Variants in ZNF560 observed in about 807,000 individuals in gnomAD.
ZNF560 encodes zinc finger protein 560.
Under a neutral mutation model 81.8 loss-of-function variants are expected in ZNF560, and 54 were observed. That is an observed-to-expected ratio of 0.66 (90% CI 0.53 to 0.83). The LOEUF (loss-of-function observed/expected upper bound fraction) is 0.83, where lower values mean the gene tolerates loss of function less well. Ranked by LOEUF, ZNF560 falls within the 40% of genes least tolerant of loss-of-function variation. The pLI is 0.00. For missense variants in ZNF560, 940 were observed against 932.4 expected, an observed-to-expected ratio of 1.01 and a Z score of -0.11; for synonymous variants, 321 against 317.9, an observed-to-expected ratio of 1.01 and a Z score of -0.10.
intron 2 of ZNF560, among the ~76,000 whole-genome samples, chr19:9,478,461 A>G (rs1175215351): frequency 7.9e-6 from 1 of 126,302 alleles, no homozygotes; most frequent in Non-Finnish European, 1.6e-5. Context: ...ACAAAGCACA[A>G]AACTCAGGTA....
chr19:9,468,080 A>G lies in ZNF560; in HGVS notation c.867T>C (p.Asp289=). 6.2e-7 allele frequency: 1 copy of G among 1,614,208 alleles called. No individual in the cohort carries two copies. Among genetic ancestry groups the G allele is most frequent in the Non-Finnish European group, 8.5e-7 (1 of 1,180,034 alleles). Residue 289 remains aspartate (D), a synonymous_variant, in exon 10 of 10, where the codon GAT becomes GAC. Transcript: ENST00000301480. ...NVQVQRKCTQ[D]KSFEGTDYGK... The stretch of plus-strand genomic sequence containing the variant: ...CATAGTCAGTGCCTTCAAAGGATTT[A>G]TCTTGTGTACACTTTCTCTGGACCT...
At chr19:9,494,918 A>G (rs1253978780) in intron 2 of ZNF560, among the ~76,000 whole-genome samples, 1 of 150,366 alleles carries the variant, frequency 6.7e-6, no homozygotes, top group Non-Finnish European at 1.5e-5. Context: ...AAAAAAACAA[A>G]CAAACAAAAC....
chr19:9,489,716 A>G (rs905150717), intron 2 of ZNF560, among the ~76,000 whole-genome samples: 1 of 151,748 alleles, frequency 6.6e-6, no homozygotes. Context: ...CAGCCTTCTG[A>G]GTAGCTGGGA....
At chr19:9,474,442 C>T in intron 3 of ZNF560, 117 bp from the exon 4 acceptor site, 4 of 1,164,792 alleles carry the variant, frequency 3.4e-6, no homozygotes, top group Non-Finnish European at 3.6e-6. Context: ...TCATTATCTA[C>T]CCAAAGCTTA....
chr19:9,477,492 G>T (rs1159716659), intron 2 of ZNF560, among the ~76,000 whole-genome samples: 2 of 152,170 alleles, frequency 1.3e-5, no homozygotes, highest in Non-Finnish European at 2.9e-5. Context: ...GAACAAGAAT[G>T]TCATCCTTTA....
downstream of ZNF560, among the ~76,000 whole-genome samples, chr19:9,465,463 C>T (rs1232623935): frequency 6.6e-6 from 1 of 152,144 alleles, no homozygotes; most frequent in African/African-American, 2.4e-5. Flanking sequence ...TAACATTGTA[C>T]AGCTTCAGGA....
Position 9,471,333 on chromosome 19 carries a change from T to A in ZNF560, c.284A>T (p.Glu95Val), listed in dbSNP as rs541703242. The A allele has an allele frequency of 1.4e-5, 23 of 1,601,158 alleles. No individual in the cohort carries two copies. The highest frequency in any genetic ancestry group is 1.7e-4 in the Middle Eastern group (1 of 5,778). The change falls in exon 6 of 10, where the codon GAG (glutamate) becomes GTG (valine). Residue 95 changes from glutamate (E) to valine (V), a missense_variant. Glu to Val is a moderately radical substitution (Grantham distance 121, BLOSUM62 -2). Coordinates refer to ENST00000301480, the MANE Select transcript of ZNF560 (RefSeq NM_152476.3). The stretch of plus-strand genomic sequence containing the variant: ...ATTAGAAGTTTGTATTTTCCAAAAC[T>A]CCTGCTGCAGTGCTGAAACACTGGT... ...HQTSVSALQQ[E>V]FWKIQTSNGI...
Position 9,467,907 on chromosome 19 carries a change from G to A in ZNF560, c.1040C>T (p.Pro347Leu). The change falls in exon 10 of 10, where the codon CCC (proline) becomes CTC (leucine). Residue 347 changes from proline to leucine, a missense_variant. Transcript: ENST00000301480. ...VNVETHIIKN[P>L]YECKECGKDF... ...TTTTCCACATTCCTTACATTCATAG[G>A]GGTTTTTAATAATGTGTGTTTCAAC... The A allele has an allele frequency of 6.2e-7, 1 of 1,614,146 alleles. No individual in the cohort carries two copies. Among genetic ancestry groups the A allele is most frequent in the Non-Finnish European group, 8.5e-7 (1 of 1,180,016 alleles).
chr19:9,485,912 C>G (rs2073377421), intron 2 of ZNF560, among the ~76,000 whole-genome samples: 1 of 152,140 alleles, frequency 6.6e-6, no homozygotes, highest in Non-Finnish European at 1.5e-5. Flanking sequence ...AGTACTCCTT[C>G]CATTCATCTT....
At chr19:9,465,766 G>A (rs1413907921), downstream of ZNF560, among the ~76,000 whole-genome samples, 1 of 152,176 alleles carries the variant, frequency 6.6e-6, no homozygotes, top group Non-Finnish European at 1.5e-5. Context: ...GCCAAGGCGG[G>A]CAGATTACCT....
In ZNF560 at chr19:9,470,402, C is replaced by G. The variant is rs199808525; in HGVS notation, c.438G>C (p.Leu146=). 1 of 1,611,828 alleles carries G rather than the reference C, an allele frequency of 6.2e-7. No individual in the cohort carries two copies. The highest frequency in any genetic ancestry group is 8.5e-7 in the Non-Finnish European group (1 of 1,178,922). ...TGATGCCAGACTTACCTACTGAGGA[C>G]AGGTTCTTGTAGTTCTCCAGCATCA... ...SDVMLENYKN[L]SSVGYQLFKP... is the part of the protein sequence containing the mutation. Residue 146 remains leucine (L), a synonymous_variant, in exon 7 of 10, where the codon CTG becomes CTC. Transcript: ENST00000301480.
At chr19:9,506,302 A>G in the ZNF560 span, among the ~76,000 whole-genome samples, 1 of 151,954 alleles carries the variant, frequency 6.6e-6, no homozygotes, top group Non-Finnish European at 1.5e-5. Context: ...CAAAACTTTA[A>G]CAGCCCTCAT....
At chr19:9,456,498 T>TA in the ZNF560 span, among the ~76,000 whole-genome samples, 1 of 152,064 alleles carries the variant, frequency 6.6e-6, no homozygotes, top group Non-Finnish European at 1.5e-5. Flanking sequence ...GCAGTACAAA[T>TA]AAACAAGGGA....
the ZNF560 span, among the ~76,000 whole-genome samples, chr19:9,456,198 C>G: frequency 1.3e-5 from 2 of 152,316 alleles, no homozygotes; most frequent in East Asian, 3.9e-4. Context: ...TGTGTTGCAC[C>G]AGGGCTGTGA....
chr19:9,483,214 A>C (rs1326776986), intron 2 of ZNF560, among the ~76,000 whole-genome samples: 11 of 147,866 alleles, frequency 7.4e-5, no homozygotes, highest in Admixed American at 7.4e-4. Context: ...GTCTAGGAAG[A>C]GAGGAGCGTC....
Position 9,467,124 on chromosome 19 carries a change from G to A in ZNF560, c.1823C>T (p.Ala608Val). Residue 608 changes from alanine to valine, a missense_variant, in exon 10 of 10, where the codon GCC becomes GTC. Ala to Val is a moderately conservative substitution (Grantham distance 64). Transcript: ENST00000301480. ...KPYECKKCGK[A>V]FTERSDLTKH... is the part of the protein sequence containing the mutation. Reference sequence around the variant, plus strand: ...AGTAAGATCTGAGCGTTCTGTGAAGGCTTTTCCACATTTCTTACATTCATA... The same window carrying A: ...AGTAAGATCTGAGCGTTCTGTGAAGACTTTTCCACATTTCTTACATTCATA... 6.2e-7 allele frequency: 1 copy of A among 1,613,892 alleles called. No individual in the cohort carries two copies. The highest frequency in any genetic ancestry group is 1.7e-4 in the Middle Eastern group (1 of 5,938).
At position 9,466,871 on chromosome 19, in the gene ZNF560, G is replaced by A; in HGVS notation, c.2076C>T (p.Ser692=). Residue 692 remains serine (S), a synonymous_variant, in exon 10 of 10, where the codon TCC becomes TCT. Transcript: ENST00000301480. ...KTSECNACGN[S]FRNSMCFHDR... is the part of the protein sequence containing the mutation. ...CATGAAAGCACATGGAATTTCGAAAGGAATTTCCACATGCGTTACATTCAG... is the reference window on the plus strand; with the variant it reads ...CATGAAAGCACATGGAATTTCGAAAAGAATTTCCACATGCGTTACATTCAG... The A allele has an allele frequency of 6.2e-7, 1 of 1,614,042 alleles. No homozygotes were observed. Among genetic ancestry groups the A allele is most frequent in the Non-Finnish European group, 8.5e-7 (1 of 1,180,028 alleles).
chr19:9,481,222 T>G (rs2073284988), intron 2 of ZNF560, among the ~76,000 whole-genome samples: 1 of 152,162 alleles, frequency 6.6e-6, no homozygotes. Flanking sequence ...TAGCCATATG[T>G]AGAAAGCTGA....
chr19:9,469,927 T>C (rs931629374), intron 7 of ZNF560: 11 of 533,602 alleles, frequency 2.1e-5, no homozygotes, highest in African/African-American at 1.3e-4. Context: ...AAACAAGCAC[T>C]AGCAGTGAGC....
Sources: allele counts gnomAD v4.1 joint callset (sites outside exome capture counted in the v4.1 genomes callset), GRCh38; gene constraint gnomAD v4.1.1; transcripts MANE v1.5; gene names NCBI Gene and HGNC (gene_info 2026-07-23, HGNC 2026-07-21).